PHLPP1: variants seen among roughly 807,000 people sequenced by gnomAD.
PHLPP1 encodes the protein PH domain leucine-rich repeat-containing protein phosphatase 1.
A neutral mutation model predicts 117.2 loss-of-function variants in PHLPP1; 42 were observed. The ratio of observed to expected loss-of-function variants is 0.36; its 90% CI spans 0.28 to 0.46. The LOEUF (loss-of-function observed/expected upper bound fraction) is 0.46. Among genes scored for constraint, PHLPP1 ranks in the 20% least tolerant of loss-of-function variants. The pLI is 1.00. For synonymous variants in PHLPP1, 1,042 were observed against 970.7 expected, an observed-to-expected ratio of 1.07 and a Z score of -1.37; for missense variants, 2,084 against 2,241.9, an observed-to-expected ratio of 0.93 and a Z score of 1.42.
intron 14 of PHLPP1, among the ~76,000 whole-genome samples, chr18:62,964,776 C>T (rs1393400376): frequency 6.6e-6 from 1 of 152,172 alleles, no homozygotes; most frequent in Non-Finnish European, 1.5e-5. Flanking sequence ...TCCTTACAAA[C>T]ACCAGTAAAT....
chr18:62,962,534 C>T lies in PHLPP1; in HGVS notation c.3456-834C>T, dbSNP rs189091435. Among the ~76,000 whole-genome samples the T allele has an allele frequency of 2.0e-3, 312 of 152,300 alleles. 1 individual carries two copies. Among genetic ancestry groups the T allele is most frequent in the African/African-American group, 7.1e-3 (295 of 41,560 alleles). The stretch of plus-strand genomic sequence containing the variant: ...ATGTTGGTCAGGCTGATCTCGAACT[C>T]CCGACCTCAGGTGATCCGCCCGCCT... On this transcript the variant is annotated intron_variant, in intron 13 of 16. Transcript: ENST00000262719.
intron 12 of PHLPP1, among the ~76,000 whole-genome samples, chr18:62,954,713 T>C (rs1016307755): frequency 2.1e-4 from 32 of 152,246 alleles, no homozygotes; most frequent in Admixed American, 1.6e-3. Context: ...TGCATTCTTA[T>C]GTAGAAATAA....
chr18:62,830,362 A>G, intron 2 of PHLPP1, 131 bp downstream of exon 2: 2 of 682,530 alleles, frequency 2.9e-6, no homozygotes, highest in Non-Finnish European at 4.8e-6. Flanking sequence ...TGCCTCAGCC[A>G]GGATTACAGG....
In PHLPP1 at chr18:62,716,972, T is replaced by A. The variant is rs1910768516; in HGVS notation, c.1289T>A (p.Val430Asp). The stretch of plus-strand genomic sequence containing the variant: ...GCCATTGACAGCCCGGGCGGGGCCG[T>A]CCGCGAGGGGTCGTGCGAGGAGAAG... ...PRAIDSPGGAVREGSCEEKAA... is the reference protein window; with the variant it reads ...PRAIDSPGGADREGSCEEKAA... The change falls in exon 1 of 17, where the codon GTC (valine) becomes GAC (aspartate). Residue 430 changes from valine (V) to aspartate (D), a missense_variant. Around this residue, in one of 2 missense-constraint regions of PHLPP1, gnomAD observed 719 missense variants for 636.0 expected, o/e 1.13. Coordinates refer to ENST00000262719, the MANE Select transcript of PHLPP1 (RefSeq NM_194449.4). This position sits in a 1 kb window ranked among gnomAD's most constrained non-coding sequence, Gnocchi z 5.7. The A allele has an allele frequency of 6.5e-7, 1 of 1,540,068 alleles. No homozygotes were observed. Among genetic ancestry groups the A allele is most frequent in the Non-Finnish European group, 8.7e-7 (1 of 1,146,024 alleles).
chr18:62,805,301 G>A (rs1251821291), intron 1 of PHLPP1, among the ~76,000 whole-genome samples: 1 of 145,646 alleles, frequency 6.9e-6, no homozygotes, highest in East Asian at 2.0e-4. Flanking sequence ...ACACTGCATA[G>A]GTTATACATA....
At chr18:62,796,841 A>G (rs1913642712) in intron 1 of PHLPP1, among the ~76,000 whole-genome samples, 2 of 152,214 alleles carry the variant, frequency 1.3e-5, no homozygotes, top group Non-Finnish European at 2.9e-5. Context: ...CTTGTTATGA[A>G]TTTACAGTTG....
At chr18:62,748,927 G>A (rs1179389698) in intron 1 of PHLPP1, among the ~76,000 whole-genome samples, 2 of 151,730 alleles carry the variant, frequency 1.3e-5, no homozygotes, top group East Asian at 3.9e-4. Flanking sequence ...CCATTCTTCT[G>A]GAAGTTTTAT....
chr18:62,875,047 C>T (rs757742404), intron 4 of PHLPP1, among the ~76,000 whole-genome samples: 3 of 152,140 alleles, frequency 2.0e-5, no homozygotes, highest in African/African-American at 7.2e-5. Context: ...TTCCGCCTCC[C>T]GGGTTCAAGC....
At chr18:62,890,338 C>T (rs980038574) in intron 4 of PHLPP1, among the ~76,000 whole-genome samples, 1 of 151,992 alleles carries the variant, frequency 6.6e-6, no homozygotes, top group Non-Finnish European at 1.5e-5. Flanking sequence ...ATGATCTCGG[C>T]TCACTGTAAC....
chr18:62,913,001 C>A (rs1383287589), intron 8 of PHLPP1, among the ~76,000 whole-genome samples: 1 of 152,170 alleles, frequency 6.6e-6, no homozygotes, highest in African/African-American at 2.4e-5. Flanking sequence ...GCCATTGAAA[C>A]CCCTAAGTGA....
chr18:62,821,159 C>T (rs1339420512), intron 1 of PHLPP1, among the ~76,000 whole-genome samples: 3 of 152,136 alleles, frequency 2.0e-5, no homozygotes, highest in South Asian at 4.1e-4. Context: ...GGACCTAGTG[C>T]GTTGGCTCAC....
In PHLPP1 at chr18:62,829,850, A is replaced by G. The variant is rs929409713; in HGVS notation, c.1577-185A>G. ...GCTCTTCACTTATTGTTACGTGTAC[A>G]TGTGGAGATGTAGTTCTTACCATAA... On this transcript the variant is annotated intron_variant, in intron 1 of 16. Coordinates refer to ENST00000262719, the MANE Select transcript of PHLPP1 (RefSeq NM_194449.4). Among the ~76,000 whole-genome samples the G allele has an allele frequency of 3.3e-5, 5 of 152,356 alleles. 1 individual carries two copies. The highest frequency in any genetic ancestry group is 6.8e-3 in the Middle Eastern group (2 of 294).
In PHLPP1 at chr18:62,716,825, C is replaced by T; in HGVS notation, c.1142C>T (p.Ala381Val). ...GSSSSSEELE[A>V]DAASAPTGVP... Reference sequence around the variant, plus strand: ...TCGTCGTCGTCGGAAGAGCTCGAGGCCGACGCAGCCTCGGCCCCGACGGGG... The same window carrying T: ...TCGTCGTCGTCGGAAGAGCTCGAGGTCGACGCAGCCTCGGCCCCGACGGGG... Residue 381 changes from alanine to valine, a missense_variant, in exon 1 of 17, where the codon GCC becomes GTC. Transcript: ENST00000262719. This position sits in a 1 kb window ranked among gnomAD's most constrained non-coding sequence, Gnocchi z 5.7. 2.0e-6 allele frequency: 3 copies of T among 1,526,146 alleles called. No individual in the cohort carries two copies. Among genetic ancestry groups the T allele is most frequent in the Non-Finnish European group, 1.8e-6 (2 of 1,142,464 alleles). The allele number at this position is 1,526,146 out of a possible 1,614,324, so 94.5% of individuals were successfully genotyped here. A position where few individuals can be genotyped will look rare whatever the true frequency, so the allele number is the denominator to read the frequency against.
At chr18:62,879,410 G>A (rs1916122000) in intron 4 of PHLPP1, among the ~76,000 whole-genome samples, 1 of 151,662 alleles carries the variant, frequency 6.6e-6, no homozygotes, top group Non-Finnish European at 1.5e-5. Context: ...GGATATGTGT[G>A]TGTGTGTGTG....
At chr18:62,968,529 C>CTTTTTTTTTTT (rs34849907) in intron 14 of PHLPP1, among the ~76,000 whole-genome samples, 1 of 51,774 alleles carries the variant, frequency 1.9e-5, no homozygotes, top group Non-Finnish European at 3.8e-5. Context: ...CATTATTAGG[C>CTTTTTTTTTTT]TTTTTTTTTT....
chr18:62,794,945 G>A (rs1037754923), intron 1 of PHLPP1, among the ~76,000 whole-genome samples: 4 of 152,102 alleles, frequency 2.6e-5, no homozygotes, highest in Non-Finnish European at 4.4e-5. Context: ...AAACTCTTAA[G>A]GGCAATAGAA....
At chr18:62,965,640 G>A (rs1910879928) in intron 14 of PHLPP1, among the ~76,000 whole-genome samples, 1 of 150,846 alleles carries the variant, frequency 6.6e-6, no homozygotes, top group South Asian at 2.1e-4. Context: ...TGTATTTTTA[G>A]TAGAAACAGG....
intron 6 of PHLPP1, among the ~76,000 whole-genome samples, chr18:62,901,022 TAAC>T (rs1166096046): frequency 6.6e-6 from 1 of 152,236 alleles, no homozygotes; most frequent in Non-Finnish European, 1.5e-5. Context: ...TGGTGAGAGT[TAAC>T]AACTTAAGCC....
chr18:62,884,057 T>C (rs1916227663), intron 4 of PHLPP1, among the ~76,000 whole-genome samples: 1 of 152,234 alleles, frequency 6.6e-6, no homozygotes, highest in Admixed American at 6.5e-5. Flanking sequence ...GTACTCCTAA[T>C]GTCAATCAGC....
Sources: allele counts gnomAD v4.1 joint callset (sites outside exome capture counted in the v4.1 genomes callset), GRCh38; gene constraint gnomAD v4.1.1; regional missense constraint gnomAD v4.1.1; non-coding constraint Gnocchi (gnomAD v3.1); transcripts MANE v1.5; gene names NCBI Gene and HGNC (gene_info 2026-07-23, HGNC 2026-07-21).